CFAP43: variants seen among roughly 807,000 people sequenced by gnomAD.
CFAP43 encodes the protein cilia- and flagella-associated protein 43.
Under a neutral mutation model 218.9 loss-of-function variants are expected in CFAP43, and 155 were observed. That is an observed-to-expected ratio of 0.71 (90% CI 0.62 to 0.81). The LOEUF is 0.81. CFAP43 is among the 30% of genes least tolerant of loss of function. The pLI is 0.00. For synonymous variants in CFAP43, 645 were observed against 681.3 expected (o/e 0.95, Z 0.83); for missense variants, 1,778 against 1,954.3 (o/e 0.91, Z 1.70).
chr10:104,210,210 G>A (rs1484431578), intron 5 of CFAP43, among the ~76,000 whole-genome samples: 2 of 152,178 alleles, frequency 1.3e-5, no homozygotes, highest in South Asian at 4.1e-4. Context: ...TGGAACCCAC[G>A]AATGCAGGAG....
intron 10 of CFAP43, 144 bp downstream of exon 10, chr10:104,196,709 A>T: frequency 1.6e-6 from 1 of 611,322 alleles, no homozygotes; most frequent in Non-Finnish European, 2.8e-6. Context: ...TTTACACACA[A>T]GGATTACTGT....
At chr10:104,185,388 A>T (rs2089998234) in intron 15 of CFAP43, among the ~76,000 whole-genome samples, 1 of 152,178 alleles carries the variant, frequency 6.6e-6, no homozygotes, top group African/African-American at 2.4e-5. Flanking sequence ...GACAGGGATT[A>T]TTATCACCAA....
intron 5 of CFAP43, among the ~76,000 whole-genome samples, chr10:104,209,110 G>A (rs2090778783): frequency 6.6e-6 from 1 of 152,070 alleles, no homozygotes; most frequent in Non-Finnish European, 1.5e-5. Flanking sequence ...CTTGCCATTG[G>A]TACCCAGGTC....
Position 104,187,474 on chromosome 10 carries a change from T to G in CFAP43, c.1706A>C (p.Asp569Ala). ...TTCATCTTTCAGCCTTCCTCTTTCA[T>G]CAGCAAAGGTTGTGGAAACTATTAG... ...LLPQVSTTFA[D>A]ERGRLKDEII... Residue 569 changes from aspartate (D) to alanine (A), a missense_variant, in exon 14 of 38, where the codon GAT becomes GCT. This residue lies in a region of CFAP43 where 1,553 missense variants were observed against 1,685.2 expected (regional missense o/e 0.92). Coordinates refer to ENST00000357060, the MANE Select transcript of CFAP43 (RefSeq NM_025145.7). 10 of 1,588,738 alleles carry G rather than the reference T, an allele frequency of 6.3e-6. No homozygotes were observed. The highest frequency in any genetic ancestry group is 2.7e-5 in the African/African-American group (2 of 73,636).
Position 104,188,397 on chromosome 10 carries a change from G to C in CFAP43, c.1560C>G (p.Asp520Glu). 6.2e-7 allele frequency: 1 copy of C among 1,613,604 alleles called. No homozygotes were observed. Among genetic ancestry groups the C allele is most frequent in the South Asian group, 1.1e-5 (1 of 90,976 alleles). Residue 520 changes from aspartate (D) to glutamate (E), a missense_variant, in exon 13 of 38, where the codon GAC becomes GAG. This residue lies in a region of CFAP43 where 1,553 missense variants were observed against 1,685.2 expected (regional missense o/e 0.92). Coordinates refer to ENST00000357060, the MANE Select transcript of CFAP43 (RefSeq NM_025145.7). ...GAGACACTGTGGATATCTGTAAAAT[G>C]TCTTTGGCCACCTCTGAAAGCAAAC... is the stretch of plus-strand genomic sequence containing the variant. ...QIIGFTEVAK[D>E]ILQISTVSLL...
Position 104,138,444 on chromosome 10 carries a change from G to A in CFAP43, c.4431+2398C>T, listed in dbSNP as rs903808786. Among the ~76,000 whole-genome samples the A allele has an allele frequency of 2.6e-5, 4 of 152,162 alleles. No individual in the cohort carries two copies. The South Asian group carries it at 8.3e-4, about 31-fold the overall frequency. ...TAATCCCAACACTTTGGGAGGCTGAGGTGGGCGGATCACCTGAGGTTGGTA... is the reference window on the plus strand; with the variant it reads ...TAATCCCAACACTTTGGGAGGCTGAAGTGGGCGGATCACCTGAGGTTGGTA... On this transcript the variant is annotated intron_variant, in intron 34 of 37. Transcript: ENST00000357060.
At chr10:104,138,418 G>A (rs550816884) in intron 34 of CFAP43, among the ~76,000 whole-genome samples, 1 of 152,180 alleles carries the variant, frequency 6.6e-6, no homozygotes, top group African/African-American at 2.4e-5. Context: ...GCTCAGGCTT[G>A]TAATCCCAAC....
intron 37 of CFAP43, 85 bp downstream of exon 37, chr10:104,131,246 C>A: frequency 6.8e-7 from 1 of 1,465,084 alleles, no homozygotes; most frequent in South Asian, 1.3e-5. Context: ...ATGCTGATAG[C>A]TTTTTAACTG....
At chr10:104,160,931 C>T (rs2088835759) in intron 27 of CFAP43, 106 bp downstream of exon 27, 1 of 1,103,784 alleles carries the variant, frequency 9.1e-7, no homozygotes, top group Non-Finnish European at 1.2e-6. Context: ...AGCTGAAACA[C>T]TGTCCTTAAG....
At chr10:104,221,608 T>G (rs114460181) in intron 3 of CFAP43, among the ~76,000 whole-genome samples, 2,769 of 152,250 alleles carry the variant, frequency 0.018, 102 homozygotes, top group African/African-American at 0.064. Context: ...ATATTTCTGT[T>G]GTTTATAAGC....
At chr10:104,142,495 T>C (rs766953515) in intron 32 of CFAP43, 102 bp from the exon 33 acceptor site, 22 of 709,134 alleles carry the variant, frequency 3.1e-5, no homozygotes, top group Non-Finnish European at 4.7e-5. Context: ...AACAGGTCTA[T>C]CTTTCGAAGA....
At chr10:104,176,904 T>C (rs937298787) in intron 19 of CFAP43, among the ~76,000 whole-genome samples, 2 of 151,860 alleles carry the variant, frequency 1.3e-5, no homozygotes, top group Non-Finnish European at 2.9e-5. Context: ...TAAATACATA[T>C]AAATAAAAAA....
intron 12 of CFAP43, among the ~76,000 whole-genome samples, chr10:104,189,461 G>A (rs990991438): frequency 6.6e-6 from 1 of 152,140 alleles, no homozygotes; most frequent in Non-Finnish European, 1.5e-5. Flanking sequence ...ATCACCTGCT[G>A]ACTGGCAAAT....
chr10:104,207,569 G>A, intron 6 of CFAP43, 96 bp downstream of exon 6: 1 of 1,169,908 alleles, frequency 8.5e-7, no homozygotes, highest in Non-Finnish European at 1.2e-6. Context: ...GAAGAAGGAG[G>A]ATTCAAAGAT....
chr10:104,147,092 A>G (rs985986679), intron 29 of CFAP43, among the ~76,000 whole-genome samples: 5 of 151,828 alleles, frequency 3.3e-5, no homozygotes, highest in African/African-American at 1.2e-4. Context: ...GCTCATTTGC[A>G]TTTGGATGTT....
intron 7 of CFAP43, among the ~76,000 whole-genome samples, chr10:104,205,212 C>CAAAAAAAAA (rs71022723): frequency 1.9e-4 from 11 of 56,520 alleles, no homozygotes; most frequent in African/African-American, 4.7e-4. Context: ...GACTCCGTCT[C>CAAAAAAAAA]AAAAAAAAAA....
chr10:104,230,462 C>T (rs1420484992), intron 2 of CFAP43, 128 bp downstream of exon 2: 2 of 1,280,756 alleles, frequency 1.6e-6, no homozygotes, highest in Non-Finnish European at 2.1e-6. Flanking sequence ...AAAACTCCAT[C>T]TCAAAACAAA....
intron 34 of CFAP43, among the ~76,000 whole-genome samples, chr10:104,134,433 C>T (rs2087341846): frequency 6.6e-6 from 1 of 151,722 alleles, no homozygotes; most frequent in Admixed American, 6.6e-5. Context: ...AAACAATAGT[C>T]AATGATGAAA....
chr10:104,180,374 C>T (rs1409559055), intron 17 of CFAP43, among the ~76,000 whole-genome samples: 1 of 151,814 alleles, frequency 6.6e-6, no homozygotes, highest in African/African-American at 2.4e-5. Flanking sequence ...CAAACATGCT[C>T]TACTATCTCC....
Sources: gnomAD v4.1 joint callset for allele counts (sites outside exome capture counted in the v4.1 genomes callset) on GRCh38, gnomAD v4.1.1 for gene constraint, gnomAD v4.1.1 regional missense constraint, MANE v1.5 for transcripts, NCBI Gene and HGNC (gene_info 2026-07-23, HGNC 2026-07-21) for gene names.